The following KLHL18 variants were observed in gnomAD, a reference collection of about 807,000 sequenced individuals.
KLHL18 encodes the protein kelch-like protein 18.
Under a neutral mutation model 58.5 loss-of-function variants are expected in KLHL18, and 38 were observed. The ratio of observed to expected loss-of-function variants is 0.65; its 90% CI spans 0.50 to 0.85. KLHL18 has a LOEUF of 0.85. KLHL18 is among the 40% of genes least tolerant of loss of function. The pLI, the probability that KLHL18 is intolerant of heterozygous loss-of-function variation, is 0.00. For missense variants in KLHL18, 624 were observed against 778.4 expected (o/e 0.80, Z 2.36); for synonymous variants, 303 against 301.9 (o/e 1.00, Z -0.04).
intron 6 of KLHL18, among the ~76,000 whole-genome samples, chr3:47,336,210 G>T (rs754559523): frequency 1.3e-5 from 2 of 152,158 alleles, no homozygotes; most frequent in African/African-American, 4.8e-5. Context: ...GCGCATGCCC[G>T]TCCCTCTGGC....
At chr3:47,312,511 C>T (rs1241400079) in intron 1 of KLHL18, among the ~76,000 whole-genome samples, 1 of 152,058 alleles carries the variant, frequency 6.6e-6, no homozygotes, top group African/African-American at 2.4e-5. Context: ...GGCACCAGTT[C>T]ACATGTCTTT....
At chr3:47,330,244 C>A in intron 4 of KLHL18, 95 bp downstream of exon 4, 1 of 1,132,762 alleles carries the variant, frequency 8.8e-7, no homozygotes, top group Non-Finnish European at 1.3e-6. Context: ...AAGTTAAGAT[C>A]ATGACATGTA....
At chr3:47,295,392 C>G (rs1702874467) in intron 1 of KLHL18, among the ~76,000 whole-genome samples, 1 of 152,202 alleles carries the variant, frequency 6.6e-6, no homozygotes, top group African/African-American at 2.4e-5. Flanking sequence ...CTGGCCATCT[C>G]TCCATGACTG....
chr3:47,341,604 A>C (rs1704109641), intron 8 of KLHL18, among the ~76,000 whole-genome samples: 1 of 152,228 alleles, frequency 6.6e-6, no homozygotes, highest in African/African-American at 2.4e-5. Context: ...TAGGGAGACA[A>C]CAAGGAGTGA....
In KLHL18 at chr3:47,322,652, G is replaced by T. The variant is rs1369035410; in HGVS notation, c.345G>T (p.Ala115=). The T allele has an allele frequency of 6.2e-6, 10 of 1,605,418 alleles. No individual in the cohort carries two copies. Among genetic ancestry groups the T allele is most frequent in the Non-Finnish European group, 8.5e-6 (10 of 1,176,296 alleles). ...QQNVQSLLMG[A]SFLQLQSIKD... is the part of the protein sequence containing the mutation. ...ATGTCCAGTCATTGCTGATGGGGGC[G>T]AGCTTCCTGCAGCTGCAGAGCATCA... The change falls in exon 3 of 10, where the codon GCG becomes GCT. Residue 115 remains alanine, a synonymous_variant. Coordinates refer to ENST00000232766, the MANE Select transcript of KLHL18 (RefSeq NM_025010.5).
At chr3:47,326,042 G>A (rs1703712367) in intron 3 of KLHL18, among the ~76,000 whole-genome samples, 1 of 152,132 alleles carries the variant, frequency 6.6e-6, no homozygotes, top group Admixed American at 6.5e-5. Flanking sequence ...CCACCTCCCA[G>A]GTTCAAGCGA....
intron 1 of KLHL18, among the ~76,000 whole-genome samples, chr3:47,295,524 C>G (rs1702877170): frequency 6.6e-6 from 1 of 151,966 alleles, no homozygotes; most frequent in Non-Finnish European, 1.5e-5. Flanking sequence ...CCTTTGCTTT[C>G]TTTCCTTTTT....
chr3:47,316,681 A>G (rs1366567949), intron 1 of KLHL18, among the ~76,000 whole-genome samples: 50 of 2,864 alleles, frequency 0.017, no homozygotes, highest in South Asian at 0.081. Flanking sequence ...ATATATGTAT[A>G]TGTGTGTGTA....
chr3:47,307,240 T>A (rs928221013), intron 1 of KLHL18, among the ~76,000 whole-genome samples: 2 of 152,030 alleles, frequency 1.3e-5, no homozygotes, highest in African/African-American at 4.8e-5. Context: ...CGTGGCTAAT[T>A]TTTTATATTT....
chr3:47,314,693 C>T (rs181026753), intron 1 of KLHL18, among the ~76,000 whole-genome samples: 7 of 152,226 alleles, frequency 4.6e-5, no homozygotes, highest in African/African-American at 1.7e-4. Context: ...CTAGATCTGC[C>T]CTAATCCATG....
chr3:47,330,243 T>C, intron 4 of KLHL18, 94 bp downstream of exon 4: 1 of 1,135,690 alleles, frequency 8.8e-7, no homozygotes, highest in East Asian at 2.5e-5. Context: ...AAAGTTAAGA[T>C]CATGACATGT....
At chr3:47,324,437 A>G (rs948632761) in intron 3 of KLHL18, among the ~76,000 whole-genome samples, 1 of 150,510 alleles carries the variant, frequency 6.6e-6, no homozygotes, top group African/African-American at 2.4e-5. Flanking sequence ...TCGAATCTTC[A>G]CCAATGGACA....
chr3:47,314,191 G>T (rs1455931866), intron 1 of KLHL18, among the ~76,000 whole-genome samples: 4 of 151,964 alleles, frequency 2.6e-5, no homozygotes, highest in Non-Finnish European at 5.9e-5. Flanking sequence ...TAGAGATGAG[G>T]TCTTGCTGTG....
At chr3:47,294,058 C>A (rs1702846064) in intron 1 of KLHL18, among the ~76,000 whole-genome samples, 1 of 152,184 alleles carries the variant, frequency 6.6e-6, no homozygotes, top group African/African-American at 2.4e-5. Flanking sequence ...TCATCTTTTA[C>A]CTAACCCAGG....
chr3:47,318,767 C>G (rs115302072), intron 1 of KLHL18, among the ~76,000 whole-genome samples: 1,725 of 152,296 alleles, frequency 0.011, 42 homozygotes, highest in African/African-American at 0.039. Flanking sequence ...TAGAACAACT[C>G]TAAGAAATTT....
intron 3 of KLHL18, among the ~76,000 whole-genome samples, chr3:47,324,417 T>A (rs556777500): frequency 5.3e-5 from 8 of 149,934 alleles, no homozygotes; most frequent in Non-Finnish European, 8.9e-5. Flanking sequence ...GAAAGGATTG[T>A]TGACGAGCCT....
At chr3:47,300,637 C>CTTTTTT (rs10687949) in intron 1 of KLHL18, among the ~76,000 whole-genome samples, 65,420 of 76,848 alleles carry the variant, frequency 0.85, 29,331 homozygotes, top group East Asian at 0.93. Flanking sequence ...CATTGTGATT[C>CTTTTTT]TTTTTTTTTT....
At position 47,284,183 on chromosome 3, in the gene KLHL18, A is replaced by G. The variant is rs570853049; in HGVS notation, c.129+1089A>G. Among the ~76,000 whole-genome samples the G allele has an allele frequency of 2.0e-5, 3 of 151,986 alleles. No individual in the cohort carries two copies. In the East Asian group the frequency reaches 5.8e-4, roughly 29 times the overall value. The stretch of plus-strand genomic sequence containing the variant: ...GGAGGTCAAGCCTGCAGTGAGTTGT[A>G]ATCACACCACTGCACTCCAGCCTGG... On this transcript the variant is annotated intron_variant, in intron 1 of 9. Coordinates refer to ENST00000232766, the MANE Select transcript of KLHL18 (RefSeq NM_025010.5).
At chr3:47,321,029 T>C (rs891985882) in intron 2 of KLHL18, among the ~76,000 whole-genome samples, 2 of 152,244 alleles carry the variant, frequency 1.3e-5, no homozygotes, top group African/African-American at 4.8e-5. Context: ...GAAGGAGGCA[T>C]GCTCGTCCCA....
Sources: allele counts gnomAD v4.1 joint callset (sites outside exome capture counted in the v4.1 genomes callset), GRCh38; gene constraint gnomAD v4.1.1; transcripts MANE v1.5; gene names NCBI Gene and HGNC (gene_info 2026-07-23, HGNC 2026-07-21).